The following SMCHD1 variants were observed in gnomAD, a reference collection of about 807,000 sequenced individuals.
The protein encoded by SMCHD1 is structural maintenance of chromosomes flexible hinge domain-containing protein 1.
In SMCHD1, 78 loss-of-function variants were observed where a neutral mutation model predicts 254.7. The ratio of observed to expected loss-of-function variants is 0.31; its 90% CI spans 0.26 to 0.37. The LOEUF is 0.37. SMCHD1 is among the 10% of genes least tolerant of loss of function. SMCHD1 has a pLI of 1.00. For synonymous variants in SMCHD1, 766 were observed against 794.9 expected, an observed-to-expected ratio of 0.96 and a Z score of 0.61; for missense variants, 1,840 against 2,408.1, an observed-to-expected ratio of 0.76 and a Z score of 4.94.
chr18:2,780,936 T>C (rs1453831688), intron 44 of SMCHD1, among the ~76,000 whole-genome samples: 1 of 152,226 alleles, frequency 6.6e-6, no homozygotes, highest in East Asian at 1.9e-4. Flanking sequence ...ATTTCAGATA[T>C]GTATCTTAAT....
At chr18:2,685,459 T>G (rs1313296110) in intron 5 of SMCHD1, among the ~76,000 whole-genome samples, 2 of 152,188 alleles carry the variant, frequency 1.3e-5, no homozygotes, top group Non-Finnish European at 2.9e-5. Context: ...ATAAATAACA[T>G]AAAATTTGCA....
Position 2,784,463 on chromosome 18 carries a change from C to T in SMCHD1, c.5561C>T (p.Thr1854Ile). 6.2e-7 allele frequency: 1 copy of T among 1,609,252 alleles called. No homozygotes were observed. Among genetic ancestry groups the T allele is most frequent in the Non-Finnish European group, 8.5e-7 (1 of 1,177,926 alleles). Residue 1854 changes from threonine to isoleucine, a missense_variant, in exon 45 of 48, where the codon ACA becomes ATA. Physicochemically the swap from Thr to Ile is moderately conservative, Grantham distance 89. Around this residue, in one of 9 missense-constraint regions of SMCHD1, gnomAD observed 114 missense variants for 217.6 expected, o/e 0.52. Coordinates refer to ENST00000320876, the MANE Select transcript of SMCHD1 (RefSeq NM_015295.3). Reference protein sequence around the residue: ...NHYRKEVVKITHCPTLLTRDG... With the variant: ...NHYRKEVVKIIHCPTLLTRDG... ...TATTTACAATAGGTTGTTAAAATTA[C>T]ACACTGTCCTACACTGCTGACCAGA...
intron 39 of SMCHD1, 96 bp downstream of exon 39, chr18:2,770,204 T>A: frequency 7.9e-7 from 1 of 1,272,046 alleles, no homozygotes; most frequent in Non-Finnish European, 1.1e-6. Context: ...TTTCCTAAAT[T>A]ACAAGTAAAA....
rs1598300833 is a variant in SMCHD1 at position 2,678,303 on chromosome 18, C to CCT, written c.638+4158_638+4159insCT. Among the ~76,000 whole-genome samples the CCT allele has an allele frequency of 5.5e-5, 7 of 126,230 alleles. No homozygotes were observed. In the East Asian group the frequency reaches 1.4e-3, roughly 25 times the overall value. The allele number at this position is 126,230 out of a possible 152,430, so 82.8% of individuals were successfully genotyped here. On this transcript the variant is annotated intron_variant, in intron 5 of 47. Coordinates refer to ENST00000320876, the MANE Select transcript of SMCHD1 (RefSeq NM_015295.3). The stretch of plus-strand genomic sequence containing the variant: ...TCTCTCTTTCTTTCTTTCTTTCTTC[C>CCT]TTTTTTTTTTTTTTGAGACAGAGTC...
intron 3 of SMCHD1, 51 bp from the exon 4 acceptor site, chr18:2,673,230 T>C (rs2143841197): frequency 6.6e-7 from 1 of 1,507,106 alleles, no homozygotes; most frequent in African/African-American, 1.4e-5. Flanking sequence ...AACTTTTATA[T>C]AAAGTATGTG....
intron 15 of SMCHD1, among the ~76,000 whole-genome samples, chr18:2,706,770 A>G (rs573877272): frequency 2.8e-4 from 43 of 152,338 alleles, no homozygotes; most frequent in Non-Finnish European, 5.6e-4. Flanking sequence ...ATATTACAAT[A>G]CCTGCTGAGA....
intron 47 of SMCHD1, among the ~76,000 whole-genome samples, chr18:2,798,411 T>C (rs1417496123): frequency 6.6e-6 from 1 of 152,230 alleles, no homozygotes. Context: ...TTTAGACATG[T>C]AACTTTTAGA....
intron 20 of SMCHD1, among the ~76,000 whole-genome samples, chr18:2,723,161 C>G (rs2074960361): frequency 6.6e-6 from 1 of 152,154 alleles, no homozygotes; most frequent in African/African-American, 2.4e-5. Context: ...TTTCTGCTAA[C>G]ATATTTTTAG....
chr18:2,664,878 G>A (rs1222904404), intron 1 of SMCHD1, among the ~76,000 whole-genome samples: 2 of 152,184 alleles, frequency 1.3e-5, no homozygotes, highest in Non-Finnish European at 2.9e-5. Flanking sequence ...TACAAGAAAA[G>A]CAGTGTAAAT....
chr18:2,786,103 T>G (rs1235217950), intron 45 of SMCHD1, among the ~76,000 whole-genome samples: 1 of 152,130 alleles, frequency 6.6e-6, no homozygotes, highest in African/African-American at 2.4e-5. Flanking sequence ...AACCTCGGTC[T>G]CCCGGGATCA....
At chr18:2,752,927 C>G (rs1399712370) in intron 34 of SMCHD1, 1 of 183,118 alleles carries the variant, frequency 5.5e-6, no homozygotes, top group African/African-American at 2.4e-5. Flanking sequence ...ATTTTCAAAT[C>G]TAAAAACATT....
chr18:2,676,752 C>A (rs1217986453), intron 5 of SMCHD1, among the ~76,000 whole-genome samples: 1 of 152,142 alleles, frequency 6.6e-6, no homozygotes, highest in Admixed American at 6.5e-5. Context: ...CATTTTGTCA[C>A]ATTTATGATC....
chr18:2,725,737 C>A (rs959539145), intron 21 of SMCHD1, among the ~76,000 whole-genome samples: 7 of 151,574 alleles, frequency 4.6e-5, no homozygotes, highest in Non-Finnish European at 7.4e-5. Flanking sequence ...GTTCTTGATT[C>A]TTTCTGAATT....
chr18:2,760,674 G>C lies in SMCHD1; in HGVS notation c.4369G>C (p.Val1457Leu), dbSNP rs371144443. Residue 1457 changes from valine (V) to leucine (L), a missense_variant, in exon 35 of 48, where the codon GTG becomes CTG. Val to Leu is a conservative substitution (Grantham distance 32). Around this residue, in one of 9 missense-constraint regions of SMCHD1, gnomAD observed 881 missense variants for 1,009.5 expected, o/e 0.87. Transcript: ENST00000320876. Reference sequence around the variant, plus strand: ...TAGGGATAAAGTAATTCCTAATAAAGTGGGGACATATTGTATCCAGTTTGG... The same window carrying C: ...TAGGGATAAAGTAATTCCTAATAAACTGGGGACATATTGTATCCAGTTTGG... ...YFRDKVIPNK[V>L]GTYCIQFGFM... 109 of 1,580,772 alleles carry C rather than the reference G, an allele frequency of 6.9e-5. No individual in the cohort carries two copies. Among genetic ancestry groups the C allele is most frequent in the Non-Finnish European group, 8.7e-5 (100 of 1,150,408 alleles).
At chr18:2,662,667 C>CAAAAAAAAAA (rs745838636) in intron 1 of SMCHD1, among the ~76,000 whole-genome samples, 10 of 35,668 alleles carry the variant, frequency 2.8e-4, no homozygotes, top group African/African-American at 3.7e-4. Flanking sequence ...AACAAAAAAC[C>CAAAAAAAAAA]AAAAAAAAAA....
intron 1 of SMCHD1, among the ~76,000 whole-genome samples, chr18:2,656,804 G>A (rs538892891): frequency 7.6e-4 from 115 of 152,222 alleles, no homozygotes; most frequent in African/African-American, 2.6e-3. Flanking sequence ...GCGGCGGGGG[G>A]GATCCTTCCG....
intron 28 of SMCHD1, among the ~76,000 whole-genome samples, chr18:2,741,255 A>G (rs2075345154): frequency 6.6e-6 from 1 of 152,182 alleles, no homozygotes. Flanking sequence ...TAAAAAATAA[A>G]AACTCTGGTG....
At position 2,724,907 on chromosome 18, in the gene SMCHD1, C is replaced by A. The variant is rs372975122; in HGVS notation, c.2612C>A (p.Ser871Tyr). The change falls in exon 21 of 48, where the codon TCT becomes TAT. Residue 871 changes from serine to tyrosine, a missense_variant. Ser to Tyr is a moderately radical substitution (Grantham distance 144). This residue lies in a region of SMCHD1 where 881 missense variants were observed against 1,009.5 expected (regional missense o/e 0.87). Coordinates refer to ENST00000320876, the MANE Select transcript of SMCHD1 (RefSeq NM_015295.3). Reference sequence around the variant, plus strand: ...TAATTTTTTTTCCCCAGTGGTTTATCTTTACATTATGAAGAAATAACCAAA... The same window carrying A: ...TAATTTTTTTTCCCCAGTGGTTTATATTTACATTATGAAGAAATAACCAAA... ...IQPVLEASGL[S>Y]LHYEEITKGP... is the part of the protein sequence containing the mutation. 158 of 1,572,212 alleles carry A rather than the reference C, an allele frequency of 1.0e-4. No individual in the cohort carries two copies. Among genetic ancestry groups the A allele is most frequent in the Non-Finnish European group, 1.3e-4 (152 of 1,154,196 alleles).
intron 39 of SMCHD1, among the ~76,000 whole-genome samples, chr18:2,770,660 C>A (rs373408900): frequency 9.2e-5 from 14 of 151,932 alleles, no homozygotes; most frequent in Non-Finnish European, 1.8e-4. Flanking sequence ...CAGTCTCTGT[C>A]GCCCAGGCTG....
Sources: gnomAD v4.1 joint callset for allele counts (sites outside exome capture counted in the v4.1 genomes callset) on GRCh38, gnomAD v4.1.1 for gene constraint, gnomAD v4.1.1 regional missense constraint, MANE v1.5 for transcripts, NCBI Gene and HGNC (gene_info 2026-07-23, HGNC 2026-07-21) for gene names.